ATXN1: variants seen among roughly 807,000 people sequenced by gnomAD.
ATXN1 encodes ataxin 1.
A neutral mutation model predicts 56.4 loss-of-function variants in ATXN1; 8 were observed. The ratio of observed to expected loss-of-function variants is 0.14; its 90% CI spans 0.08 to 0.26. ATXN1 has a LOEUF of 0.26. ATXN1 is among the 10% of genes least tolerant of loss of function. The pLI is 1.00. For missense variants in ATXN1, 987 were observed against 1,106.5 expected (o/e 0.89, Z 1.53); for synonymous variants, 514 against 494.6 (o/e 1.04, Z -0.52).
chr6:16,336,926 G>T (rs1169705291), intron 6 of ATXN1, among the ~76,000 whole-genome samples: 2 of 152,178 alleles, frequency 1.3e-5, no homozygotes, highest in Non-Finnish European at 2.9e-5. Context: ...GACTATACTT[G>T]AAGCAATGAT....
intron 3 of ATXN1, among the ~76,000 whole-genome samples, chr6:16,638,278 C>A (rs111644033): frequency 0.039 from 5,384 of 138,222 alleles, 225 homozygotes; most frequent in African/African-American, 0.11. Flanking sequence ...ACCCCCATCT[C>A]TACAAAAAAA....
intron 2 of ATXN1, among the ~76,000 whole-genome samples, chr6:16,684,083 A>T (rs565735593): frequency 6.6e-6 from 1 of 152,318 alleles, no homozygotes; most frequent in East Asian, 1.9e-4. Flanking sequence ...AGGCACAGGG[A>T]TATCTAGAAG....
intron 3 of ATXN1, among the ~76,000 whole-genome samples, chr6:16,610,658 G>A (rs1763088022): frequency 6.6e-6 from 1 of 152,088 alleles, no homozygotes; most frequent in Admixed American, 6.6e-5. Flanking sequence ...ATTTGAAGAA[G>A]CTCCCTAATC....
chr6:16,619,894 GA>G (rs374935642), intron 3 of ATXN1, among the ~76,000 whole-genome samples: 6,357 of 139,884 alleles, frequency 0.045, 197 homozygotes, highest in East Asian at 0.13. Context: ...AAAAAAAAAA[GA>G]AAAAAAAAAA....
At chr6:16,695,052 T>G (rs1759134031) in intron 2 of ATXN1, among the ~76,000 whole-genome samples, 1 of 152,196 alleles carries the variant, frequency 6.6e-6, no homozygotes, top group South Asian at 2.1e-4. Flanking sequence ...TGACCATTCT[T>G]CACAACCACC....
chr6:16,738,134 T>C (rs527614996), intron 2 of ATXN1: 4 of 152,340 alleles, frequency 2.6e-5, no homozygotes, highest in South Asian at 2.1e-4. Flanking sequence ...TCAGGAGTAA[T>C]AGATGTTGCT....
intron 3 of ATXN1, among the ~76,000 whole-genome samples, chr6:16,636,075 T>A (rs1337138782): frequency 6.6e-6 from 1 of 152,158 alleles, no homozygotes; most frequent in Non-Finnish European, 1.5e-5. Context: ...CCAACCTGTG[T>A]TCCTGACCAC....
intron 6 of ATXN1, among the ~76,000 whole-genome samples, chr6:16,431,308 G>T (rs1348494203): frequency 1.3e-5 from 2 of 152,066 alleles, no homozygotes; most frequent in Non-Finnish European, 2.9e-5. Flanking sequence ...ACATTCTGCT[G>T]GGGGGGATGT....
intron 6 of ATXN1, among the ~76,000 whole-genome samples, chr6:16,458,225 C>A (rs1421987234): frequency 6.6e-6 from 1 of 152,156 alleles, no homozygotes; most frequent in African/African-American, 2.4e-5. Context: ...CCACTGGGAC[C>A]TAGACTCAGA....
intron 6 of ATXN1, among the ~76,000 whole-genome samples, chr6:16,390,497 G>C (rs965724756): frequency 2.0e-5 from 3 of 152,078 alleles, no homozygotes; most frequent in African/African-American, 7.2e-5. Context: ...CTCTAGTTTA[G>C]AACTTGGGTT....
intron 2 of ATXN1, among the ~76,000 whole-genome samples, chr6:16,681,181 C>G (rs1758806174): frequency 6.6e-6 from 1 of 152,234 alleles, no homozygotes; most frequent in Non-Finnish European, 1.5e-5. Flanking sequence ...AAGACTCTAT[C>G]TCTGTTCCTC....
chr6:16,396,762 C>A (rs1047380141), intron 6 of ATXN1, among the ~76,000 whole-genome samples: 6 of 152,262 alleles, frequency 3.9e-5, no homozygotes, highest in Admixed American at 3.9e-4. Context: ...ATGGTAAGTG[C>A]CCTATATAGG....
intron 3 of ATXN1, among the ~76,000 whole-genome samples, chr6:16,629,163 C>T (rs760439096): frequency 1.3e-5 from 2 of 152,164 alleles, no homozygotes; most frequent in Non-Finnish European, 2.9e-5. Context: ...TAACAACAGC[C>T]ATTCTGACTG....
At chr6:16,475,650 A>T (rs1760312011) in intron 6 of ATXN1, among the ~76,000 whole-genome samples, 1 of 152,160 alleles carries the variant, frequency 6.6e-6, no homozygotes, top group Non-Finnish European at 1.5e-5. Context: ...TGATTCAAAG[A>T]GTCTCTTATA....
rs747023706 is a variant in ATXN1, at chr6:16,506,774, G to A, written c.-299+15853C>T. Reference sequence around the variant, plus strand: ...AAAGCTTATAACTTTGCAGCAAGAGGGGAAAACATTTTTTCAGTACTACCT... The same window carrying A: ...AAAGCTTATAACTTTGCAGCAAGAGAGGAAAACATTTTTTCAGTACTACCT... On this transcript the variant is annotated intron_variant, in intron 5 of 7. Coordinates refer to ENST00000436367, the MANE Select transcript of ATXN1 (RefSeq NM_001128164.2). This position sits in a 1 kb window ranked among gnomAD's most constrained non-coding sequence, Gnocchi z 4.1. Among the ~76,000 whole-genome samples, 53 of 152,086 alleles carry A rather than the reference G, an allele frequency of 3.5e-4. No homozygotes were observed. The highest frequency in any genetic ancestry group is 6.6e-4 in the Non-Finnish European group (45 of 68,000).
rs115059912 is a variant in ATXN1, at chr6:16,309,653, A to G, written c.1918-2794T>C. ...GCCCCAAACAGGAAAAATAAACAAA[A>G]AGAAATCCTCACTGAGGCAGATGAG... On this transcript the variant is annotated intron_variant, in intron 7 of 7. Transcript: ENST00000436367. Among the ~76,000 whole-genome samples the G allele has an allele frequency of 1.7e-3, 258 of 152,340 alleles. 1 individual carries two copies. The highest frequency in any genetic ancestry group is 3.1e-3 in the Non-Finnish European group (213 of 68,032).
intron 2 of ATXN1, among the ~76,000 whole-genome samples, chr6:16,700,555 C>A (rs369994853): frequency 6.6e-6 from 1 of 152,118 alleles, no homozygotes; most frequent in African/African-American, 2.4e-5. Flanking sequence ...TGAATCCTGG[C>A]CATTTACAGA....
intron 6 of ATXN1, among the ~76,000 whole-genome samples, chr6:16,349,750 T>TC (rs1192068783): frequency 5.3e-5 from 8 of 152,124 alleles, no homozygotes; most frequent in Non-Finnish European, 8.8e-5. Flanking sequence ...GATTTTTTTT[T>TC]CCCCCTAAAC....
intron 6 of ATXN1, among the ~76,000 whole-genome samples, chr6:16,468,405 G>A (rs1287865273): frequency 6.6e-6 from 1 of 152,150 alleles, no homozygotes; most frequent in African/African-American, 2.4e-5. Context: ...TAGTCAGGAT[G>A]GTCTTGATTT....
Sources: allele counts gnomAD v4.1 joint callset (sites outside exome capture counted in the v4.1 genomes callset), GRCh38; gene constraint gnomAD v4.1.1; non-coding constraint Gnocchi (gnomAD v3.1); transcripts MANE v1.5; gene names NCBI Gene and HGNC (gene_info 2026-07-23, HGNC 2026-07-21).